C10orf67: variants seen among roughly 807,000 people sequenced by gnomAD.
C10orf67 encodes chromosome 10 open reading frame 67, also known as uncharacterized protein C10orf67, mitochondrial.
C10orf67 carries 60 observed loss-of-function variants against 35.6 expected under a neutral mutation model. That is an observed-to-expected ratio of 1.68 (90% CI 1.37 to 2.09). C10orf67 has a LOEUF of 2.09. Among genes scored for constraint, C10orf67 ranks in the 30% most tolerant of loss-of-function variants. C10orf67 has a pLI of 0.00. For synonymous variants in C10orf67, 167 were observed against 115.8 expected (o/e 1.44, Z -2.84); for missense variants, 474 against 330.2 (o/e 1.44, Z -3.38).
chr10:23,281,483 C>G (rs1010498657), intron 8 of C10orf67, among the ~76,000 whole-genome samples: 1 of 152,048 alleles, frequency 6.6e-6, no homozygotes, highest in Admixed American at 6.6e-5. Flanking sequence ...AAGCCAAATA[C>G]GCCACCATAA....
intron 4 of C10orf67, among the ~76,000 whole-genome samples, chr10:23,306,191 T>C (rs908030142): frequency 2.0e-5 from 3 of 152,250 alleles, no homozygotes; most frequent in East Asian, 1.9e-4. Context: ...CTCATTAATA[T>C]GTAGAATCCA....
chr10:23,239,749 C>A lies in C10orf67; in HGVS notation c.1414G>T (p.Asp472Tyr). Residue 472 changes from aspartate (D) to tyrosine (Y), a missense_variant, in exon 13 of 16, where the codon GAC (aspartate) becomes TAC (tyrosine). Coordinates refer to ENST00000636213, the MANE Select transcript of C10orf67 (RefSeq NM_001371909.1). ...TLFRQFAVLA[D>Y]TSFNYIKVKP... ...CTTACAATATAATTGAAGGATGTGT[C>A]AGCAAGCACTGCAAACTGACGAAAC... 1.5e-6 allele frequency: 1 copy of A among 659,862 alleles called. No individual in the cohort carries two copies. The allele number at this position is 659,862 out of a possible 1,614,324, so 40.9% of individuals were successfully genotyped here. A position where few individuals can be genotyped will look rare whatever the true frequency, so the allele number is the denominator to read the frequency against.
intron 12 of C10orf67, among the ~76,000 whole-genome samples, 189 bp downstream of exon 12, chr10:23,250,266 A>G (rs1842414104): frequency 6.6e-6 from 1 of 152,216 alleles, no homozygotes; most frequent in Admixed American, 6.5e-5. Context: ...GAATGAAAAC[A>G]TCTTGAATGA....
At chr10:23,277,009 T>C (rs1250484778) in intron 8 of C10orf67, among the ~76,000 whole-genome samples, 1 of 152,032 alleles carries the variant, frequency 6.6e-6, no homozygotes, top group Non-Finnish European at 1.5e-5. Context: ...TTTTCCTTAT[T>C]ATATGAGGCA....
intron 13 of C10orf67, among the ~76,000 whole-genome samples, chr10:23,235,055 A>G (rs1275973437): frequency 6.6e-6 from 1 of 151,748 alleles, no homozygotes; most frequent in Non-Finnish European, 1.5e-5. Context: ...TAAATAAATA[A>G]AAGGATTTAC....
At position 23,314,785 on chromosome 10, in the gene C10orf67, G is replaced by A. The variant is rs190610438; in HGVS notation, c.546+5956C>T. Among the ~76,000 whole-genome samples, 8 of 152,176 alleles carry A rather than the reference G, an allele frequency of 5.3e-5. No individual in the cohort carries two copies. The East Asian group carries it at 1.5e-3, about 29-fold the overall frequency. On this transcript the variant is annotated intron_variant, in intron 4 of 15. Coordinates refer to ENST00000636213, the MANE Select transcript of C10orf67 (RefSeq NM_001371909.1). ...TTGCCACGTGGGTTTCCCCAACATA[G>A]CCTCTCACATAGCCAACAGAGAGAC...
intron 5 of C10orf67, among the ~76,000 whole-genome samples, chr10:23,302,217 T>A (rs11013374): frequency 1.3e-5 from 2 of 151,040 alleles, no homozygotes; most frequent in South Asian, 4.2e-4. Context: ...TATCATATTA[T>A]AATATATTAT....
At chr10:23,226,617 CA>C (rs1417234276) in intron 13 of C10orf67, among the ~76,000 whole-genome samples, 4 of 151,836 alleles carry the variant, frequency 2.6e-5, no homozygotes, top group African/African-American at 7.3e-5. Flanking sequence ...GATACAGACG[CA>C]AAAAACCCTT....
Position 23,325,995 on chromosome 10 carries a change from TAGAA to T in C10orf67, c.328-3462_328-3459del, listed in dbSNP as rs575910193. Among the ~76,000 whole-genome samples, 349 of 152,012 alleles carry T rather than the reference TAGAA, an allele frequency of 2.3e-3. 4 individuals are homozygous for T. Among genetic ancestry groups the T allele is most frequent in the African/African-American group, 7.7e-3 (320 of 41,484 alleles). On this transcript the variant is annotated intron_variant, in intron 2 of 15. Transcript: ENST00000636213. ...AACTTGAAGATGTATCAATAAAAAA[TAGAA>T]AGAAGAAAGATTTTTAAAATTTTAC...
chr10:23,306,015 T>C (rs1844262186), intron 4 of C10orf67, among the ~76,000 whole-genome samples: 2 of 151,432 alleles, frequency 1.3e-5, no homozygotes, highest in African/African-American at 4.9e-5. Flanking sequence ...ACACACACAA[T>C]GGAATATTTA....
intron 2 of C10orf67, among the ~76,000 whole-genome samples, chr10:23,330,322 C>T (rs1003835297): frequency 1.3e-5 from 2 of 151,880 alleles, no homozygotes; most frequent in African/African-American, 4.8e-5. Context: ...TATTAGCCAG[C>T]TGTGGTGGCA....
In C10orf67 at chr10:23,208,928, G is replaced by C. The variant is rs530621602; in HGVS notation, c.1571-4673C>G. Among the ~76,000 whole-genome samples, 9 of 152,154 alleles carry C rather than the reference G, an allele frequency of 5.9e-5. No individual in the cohort carries two copies. In the South Asian group the frequency reaches 1.7e-3, roughly 28 times the overall value. ...GCCTACTTGATAGTGAGGGACATGA[G>C]GTCTGGTTACCCCTGTCACCCCAGC... On this transcript the variant is annotated intron_variant, in intron 15 of 15. Coordinates refer to ENST00000636213, the MANE Select transcript of C10orf67 (RefSeq NM_001371909.1).
intron 4 of C10orf67, among the ~76,000 whole-genome samples, chr10:23,314,644 C>A (rs1479345039): frequency 6.6e-6 from 1 of 152,110 alleles, no homozygotes; most frequent in Admixed American, 6.5e-5. Context: ...TGAAGCACAA[C>A]TGTGAAAGGA....
intron 12 of C10orf67, among the ~76,000 whole-genome samples, chr10:23,248,158 G>T (rs947212388): frequency 6.6e-6 from 1 of 152,192 alleles, no homozygotes; most frequent in Admixed American, 6.5e-5. Context: ...GATAAACATG[G>T]TGGGCAAAAG....
At chr10:23,251,428 A>G (rs989913882) in intron 10 of C10orf67, among the ~76,000 whole-genome samples, 3 of 152,324 alleles carry the variant, frequency 2.0e-5, no homozygotes, top group African/African-American at 7.2e-5. Context: ...GGATCTACCA[A>G]CTGAATCACA....
intron 15 of C10orf67, among the ~76,000 whole-genome samples, chr10:23,207,077 C>T (rs1753354195): frequency 6.6e-6 from 1 of 151,888 alleles, no homozygotes; most frequent in Non-Finnish European, 1.5e-5. Flanking sequence ...CCACCAATTA[C>T]AGCTCACACT....
chr10:23,302,605 C>T (rs1205041715), intron 5 of C10orf67, among the ~76,000 whole-genome samples: 1 of 152,172 alleles, frequency 6.6e-6, no homozygotes, highest in African/African-American at 2.4e-5. Context: ...AGAATAAAAT[C>T]CTCTCCAGCT....
chr10:23,291,862 A>C (rs1190081654), intron 5 of C10orf67, among the ~76,000 whole-genome samples: 1 of 152,068 alleles, frequency 6.6e-6, no homozygotes, highest in African/African-American at 2.4e-5. Flanking sequence ...TTGGTGGAGG[A>C]GCCACCCAGA....
At chr10:23,206,791 A>T (rs558459353) in intron 15 of C10orf67, among the ~76,000 whole-genome samples, 1 of 152,170 alleles carries the variant, frequency 6.6e-6, no homozygotes, top group African/African-American at 2.4e-5. Context: ...TCAATGAAAA[A>T]TTTCATTTAA....
Sources: allele counts gnomAD v4.1 joint callset (sites outside exome capture counted in the v4.1 genomes callset), GRCh38; gene constraint gnomAD v4.1.1; transcripts MANE v1.5; gene names NCBI Gene and HGNC (gene_info 2026-07-23, HGNC 2026-07-21).